DCDC1: variants seen among roughly 807,000 people sequenced by gnomAD.
DCDC1 encodes the protein doublecortin domain-containing protein 1.
Under a neutral mutation model 178.3 loss-of-function variants are expected in DCDC1, and 200 were observed. The observed-to-expected ratio is 1.12, with a 90% confidence interval of 1.00 to 1.26. The LOEUF (loss-of-function observed/expected upper bound fraction) is 1.26. Ranked by LOEUF, DCDC1 falls within the 50% of genes most tolerant of loss-of-function variation. The pLI is 0.00. For synonymous variants in DCDC1, 690 were observed against 604.8 expected, an observed-to-expected ratio of 1.14 and a Z score of -2.07; for missense variants, 1,983 against 1,749.2, an observed-to-expected ratio of 1.13 and a Z score of -2.38.
At chr11:31,072,234 T>C (rs190940648) in intron 18 of DCDC1, among the ~76,000 whole-genome samples, 19 of 152,274 alleles carry the variant, frequency 1.2e-4, no homozygotes, top group Admixed American at 1.2e-3. Flanking sequence ...GCTCTTGTAA[T>C]TTTTCTCCTG....
rs186186717 is a variant in DCDC1 at position 30,994,654 on chromosome 11, C to T, written c.2592-42086G>A. Among the ~76,000 whole-genome samples the T allele has an allele frequency of 2.8e-3, 399 of 142,286 alleles. 3 individuals are homozygous for T. The highest frequency in any genetic ancestry group is 9.6e-3 in the African/African-American group (376 of 38,964). The allele number at this position is 142,286 out of a possible 152,430, so 93.3% of individuals were successfully genotyped here. A position where few individuals can be genotyped will look rare whatever the true frequency, so the allele number is the denominator to read the frequency against. On this transcript the variant is annotated intron_variant, in intron 20 of 38. Coordinates refer to ENST00000684477, the MANE Select transcript of DCDC1 (RefSeq NM_001387274.1). Reference sequence around the variant, plus strand: ...TTTATATATTTATTATAATATATAACATATTATTATATAATATATAATATA... The same window carrying T: ...TTTATATATTTATTATAATATATAATATATTATTATATAATATATAATATA...
intron 20 of DCDC1, among the ~76,000 whole-genome samples, chr11:30,987,716 G>A (rs1027961206): frequency 5.3e-5 from 8 of 152,318 alleles, no homozygotes; most frequent in East Asian, 1.9e-4. Context: ...CCAACCCATG[G>A]CCCATTGGCC....
At position 30,879,592 on chromosome 11, in the gene DCDC1, T is replaced by C. The variant is rs1942461569; in HGVS notation, c.5234-881A>G. 2.0e-5 allele frequency among the ~76,000 whole-genome samples: 3 copies of C among 152,164 alleles called. No homozygotes were observed. The South Asian group carries it at 6.2e-4, about 32-fold the overall frequency. ...CTATTGTCATAGGAAAGAAATAAACTTTCATACGATGGTAATCTATGTATT... is the reference window on the plus strand; with the variant it reads ...CTATTGTCATAGGAAAGAAATAAACCTTCATACGATGGTAATCTATGTATT... On this transcript the variant is annotated intron_variant, in intron 37 of 38. Transcript: ENST00000684477.
intron 9 of DCDC1, among the ~76,000 whole-genome samples, chr11:31,145,075 GT>G (rs1477072862): frequency 6.6e-6 from 1 of 152,116 alleles, no homozygotes; most frequent in Non-Finnish European, 1.5e-5. Flanking sequence ...TAAAGTGATA[GT>G]TAATAGTACC....
chr11:31,242,726 A>G (rs1346054365), intron 8 of DCDC1, among the ~76,000 whole-genome samples: 4 of 151,900 alleles, frequency 2.6e-5, no homozygotes, highest in African/African-American at 4.8e-5. Flanking sequence ...TGGAAATTGA[A>G]TTACAATTAG....
At chr11:31,302,009 C>T (rs747844576) in intron 6 of DCDC1, among the ~76,000 whole-genome samples, 3 of 152,054 alleles carry the variant, frequency 2.0e-5, no homozygotes, top group African/African-American at 7.2e-5. Flanking sequence ...TTCTGGTTAA[C>T]AAAACTCAGG....
chr11:31,211,741 C>T (rs374796), intron 9 of DCDC1, among the ~76,000 whole-genome samples: 1 of 151,882 alleles, frequency 6.6e-6, no homozygotes, highest in Admixed American at 6.6e-5. Context: ...TTCCATATAA[C>T]GTGTCATAGA....
At chr11:31,272,567 C>T (rs910932618) in intron 7 of DCDC1, among the ~76,000 whole-genome samples, 8 of 152,194 alleles carry the variant, frequency 5.3e-5, no homozygotes, top group African/African-American at 1.7e-4. Flanking sequence ...TGGATAAATA[C>T]AGTTGTTCCA....
intron 9 of DCDC1, among the ~76,000 whole-genome samples, chr11:31,206,673 CA>C (rs1971909334): frequency 6.6e-6 from 1 of 152,170 alleles, no homozygotes; most frequent in South Asian, 2.1e-4. Context: ...TCAGTCCCTC[CA>C]AAAGTGCTGG....
At chr11:31,089,051 T>A (rs1324304111) in intron 17 of DCDC1, among the ~76,000 whole-genome samples, 1 of 152,142 alleles carries the variant, frequency 6.6e-6, no homozygotes, top group Non-Finnish European at 1.5e-5. Flanking sequence ...TGCTCTATAT[T>A]TCCATCTGGT....
intron 21 of DCDC1, among the ~76,000 whole-genome samples, chr11:30,939,089 G>A (rs763006191): frequency 6.6e-6 from 1 of 152,006 alleles, no homozygotes. Flanking sequence ...ACACATACTC[G>A]ACCTCTGAAA....
At chr11:30,992,947 A>G (rs920840181) in intron 20 of DCDC1, among the ~76,000 whole-genome samples, 26 of 152,132 alleles carry the variant, frequency 1.7e-4, no homozygotes, top group African/African-American at 6.3e-4. Flanking sequence ...GGTAAACTCA[A>G]TGCACTTTGC....
intron 9 of DCDC1, among the ~76,000 whole-genome samples, chr11:31,210,201 A>C (rs372585429): frequency 5.3e-5 from 8 of 152,172 alleles, no homozygotes; most frequent in African/African-American, 1.9e-4. Flanking sequence ...TGAATGAAGA[A>C]AGTCAGTGCC....
intron 38 of DCDC1, among the ~76,000 whole-genome samples, chr11:30,867,395 A>G (rs1941094023): frequency 6.6e-6 from 1 of 152,248 alleles, no homozygotes. Context: ...GTAGTAGAAG[A>G]AATATCTACT....
chr11:31,299,497 A>G (rs987975651), intron 6 of DCDC1, among the ~76,000 whole-genome samples: 1 of 152,172 alleles, frequency 6.6e-6, no homozygotes, highest in African/African-American at 2.4e-5. Context: ...GACTAAGGCC[A>G]CTTGGGGGTC....
chr11:31,227,047 A>G (rs1310373613), intron 9 of DCDC1, among the ~76,000 whole-genome samples: 1 of 152,186 alleles, frequency 6.6e-6, no homozygotes, highest in Non-Finnish European at 1.5e-5. Context: ...AAAGCTAAAT[A>G]TATAAACAAA....
At chr11:30,979,230 G>T (rs1329492424) in intron 20 of DCDC1, among the ~76,000 whole-genome samples, 1 of 152,128 alleles carries the variant, frequency 6.6e-6, no homozygotes, top group Non-Finnish European at 1.5e-5. Context: ...GAGAGAACAT[G>T]AAACTCAACA....
intron 12 of DCDC1, among the ~76,000 whole-genome samples, chr11:31,107,814 C>G (rs1958949693): frequency 6.6e-6 from 1 of 152,140 alleles, no homozygotes; most frequent in Non-Finnish European, 1.5e-5. Flanking sequence ...TCACTCTTCC[C>G]CCAGCCTTCT....
chr11:31,100,047 A>C (rs1958407692), intron 15 of DCDC1, among the ~76,000 whole-genome samples: 1 of 152,128 alleles, frequency 6.6e-6, no homozygotes, highest in Non-Finnish European at 1.5e-5. Flanking sequence ...CCTTTATTGA[A>C]CATGCCAAAC....
Sources: gnomAD v4.1 joint callset for allele counts (sites outside exome capture counted in the v4.1 genomes callset) on GRCh38, gnomAD v4.1.1 for gene constraint, MANE v1.5 for transcripts, NCBI Gene and HGNC (gene_info 2026-07-23, HGNC 2026-07-21) for gene names.